Variants in TUSC3 observed in about 807,000 individuals in gnomAD.
The protein encoded by TUSC3 is dolichyl-diphosphooligosaccharide--protein glycosyltransferase subunit TUSC3.
A neutral mutation model predicts 44.8 loss-of-function variants in TUSC3; 45 were observed. That is an observed-to-expected ratio of 1.00 (90% CI 0.79 to 1.29). The LOEUF is 1.29. Among genes scored for constraint, TUSC3 ranks in the 50% most tolerant of loss-of-function variants. TUSC3 has a pLI of 0.00. For missense variants in TUSC3, 519 were observed against 437.9 expected (o/e 1.19, Z -1.65); for synonymous variants, 212 against 152.9 (o/e 1.39, Z -2.85).
chr8:15,589,642 T>C (rs567135192), intron 1 of TUSC3, among the ~76,000 whole-genome samples: 1 of 152,328 alleles, frequency 6.6e-6, no homozygotes, highest in Non-Finnish European at 1.5e-5. Context: ...ATAACCTATA[T>C]TAATTAGGTT....
At chr8:15,657,925 T>G (rs1807247134) in intron 3 of TUSC3, among the ~76,000 whole-genome samples, 1 of 152,164 alleles carries the variant, frequency 6.6e-6, no homozygotes, top group East Asian at 1.9e-4. Context: ...GCCAGGCACT[T>G]CTTGCTGCAT....
At chr8:15,770,879 A>C (rs113849119), downstream of TUSC3, among the ~76,000 whole-genome samples, 2 of 152,306 alleles carry the variant, frequency 1.3e-5, no homozygotes, top group African/African-American at 4.8e-5. Flanking sequence ...AACTTACCAA[A>C]TCTGAAAAAA....
At chr8:15,556,268 G>C (rs1802261006) in intron 1 of TUSC3, among the ~76,000 whole-genome samples, 1 of 143,308 alleles carries the variant, frequency 7.0e-6, no homozygotes, top group Non-Finnish European at 1.5e-5. Context: ...TTGGTTTTTT[G>C]TTCTTGAGAT....
chr8:15,504,208 T>C (rs912156854), intron 2 of TUSC3, among the ~76,000 whole-genome samples: 3 of 152,048 alleles, frequency 2.0e-5, no homozygotes, highest in East Asian at 3.9e-4. Context: ...TTCTGTCACT[T>C]GCCAGCTGAG....
At chr8:15,848,153 G>A in the TUSC3 span, among the ~76,000 whole-genome samples, 37 of 151,798 alleles carry the variant, frequency 2.4e-4, no homozygotes, top group East Asian at 1.4e-3. Flanking sequence ...AGCATATATC[G>A]TCTGTGGTCA....
intron 9 of TUSC3, among the ~76,000 whole-genome samples, chr8:15,753,755 T>C (rs1811806546): frequency 6.6e-6 from 1 of 152,024 alleles, no homozygotes; most frequent in Admixed American, 6.6e-5. Context: ...ACTAAAAGAC[T>C]GCAGAGATAT....
At chr8:15,785,224 T>A in the TUSC3 span, among the ~76,000 whole-genome samples, 1 of 152,000 alleles carries the variant, frequency 6.6e-6, no homozygotes, top group Non-Finnish European at 1.5e-5. Flanking sequence ...CTACTGAAAT[T>A]TTAAAAAGAA....
At chr8:15,574,400 C>T (rs1038209285) in intron 1 of TUSC3, among the ~76,000 whole-genome samples, 2 of 152,128 alleles carry the variant, frequency 1.3e-5, no homozygotes, top group African/African-American at 4.8e-5. Flanking sequence ...GGTCAACTTA[C>T]ATTCTTATTA....
the TUSC3 span, among the ~76,000 whole-genome samples, chr8:15,803,819 G>A: frequency 6.6e-6 from 1 of 152,108 alleles, no homozygotes; most frequent in Non-Finnish European, 1.5e-5. Flanking sequence ...CTGTCCCTGT[G>A]TTAATTTTAT....
intron 2 of TUSC3, among the ~76,000 whole-genome samples, chr8:15,531,422 T>G (rs1359665175): frequency 6.6e-6 from 1 of 152,152 alleles, no homozygotes; most frequent in Non-Finnish European, 1.5e-5. Flanking sequence ...TGGCTAATTT[T>G]TGTATTTTTA....
upstream of TUSC3, among the ~76,000 whole-genome samples, chr8:15,537,091 A>T (rs1026693673): frequency 6.6e-6 from 1 of 152,140 alleles, no homozygotes; most frequent in African/African-American, 2.4e-5. Context: ...TAATCAACTA[A>T]GAGCCAGGCA....
rs1200727081 is a variant in TUSC3 at position 15,508,457 on chromosome 8, CTTTTTTTT to C, written n.189+24990_189+24997del. On this transcript the variant is annotated intron_variant and non_coding_transcript_variant, in intron 2 of 5. Coordinates refer to the TUSC3 transcript ENST00000503191. ...GAGGTAGTTTAGGAATCGAAGCTTC[CTTTTTTTT>C]TTTTTTTTTTTTTTTGAGAAGGAGT... is the stretch of plus-strand genomic sequence containing the variant. 6.3e-5 allele frequency among the ~76,000 whole-genome samples: 5 copies of C among 79,584 alleles called. No homozygotes were observed. In the Admixed American group the frequency reaches 8.2e-4, roughly 13 times the overall value. The allele number at this position is 79,584 out of a possible 152,430, so 52.2% of individuals were successfully genotyped here. A position where few individuals can be genotyped will look rare whatever the true frequency, so the allele number is the denominator to read the frequency against.
intron 8 of TUSC3, among the ~76,000 whole-genome samples, chr8:15,746,025 C>A (rs1405720244): frequency 6.6e-6 from 1 of 152,084 alleles, no homozygotes; most frequent in Non-Finnish European, 1.5e-5. Context: ...AGAGTCCTCT[C>A]CCCATTGCTT....
In TUSC3 at chr8:15,540,365, C is replaced by T; in HGVS notation, c.-66C>T. On this transcript the variant is annotated 5_prime_UTR_variant, in exon 1 of 11. Coordinates refer to ENST00000503731, the MANE Select transcript of TUSC3 (RefSeq NM_006765.4). Reference sequence around the variant, plus strand: ...GGCTCCCGGAGGCTGGCCGGGCAGGCGTGGTGCGCGGTAGGAGCTGGGCGC... The same window carrying T: ...GGCTCCCGGAGGCTGGCCGGGCAGGTGTGGTGCGCGGTAGGAGCTGGGCGC... 1 of 1,448,030 alleles carries T rather than the reference C, an allele frequency of 6.9e-7. No individual in the cohort carries two copies. The highest frequency in any genetic ancestry group is 1.4e-5 in the South Asian group (1 of 71,736). 89.7% of individuals were successfully genotyped at this position (1,448,030 alleles called of 1,614,324 possible). A position where few individuals can be genotyped will look rare whatever the true frequency, so the allele number is the denominator to read the frequency against.
At chr8:15,748,556 G>A (rs1811524553) in intron 9 of TUSC3, 91 bp downstream of exon 9, 2 of 1,218,856 alleles carry the variant, frequency 1.6e-6, no homozygotes, top group African/African-American at 1.5e-5. Context: ...TGAATGTAAA[G>A]TTGCTGTGTG....
intron 2 of TUSC3, among the ~76,000 whole-genome samples, chr8:15,496,285 G>A (rs1007652145): frequency 1.3e-5 from 2 of 152,126 alleles, no homozygotes; most frequent in Non-Finnish European, 2.9e-5. Context: ...TCTGCCCTCT[G>A]CTAAAGCAAT....
At chr8:15,534,638 G>C (rs1208765904) in intron 2 of TUSC3, among the ~76,000 whole-genome samples, 1 of 99,718 alleles carries the variant, frequency 1.0e-5, no homozygotes, top group Admixed American at 1.2e-4. Context: ...GCGAGACTCG[G>C]TCTTTAAAAA....
rs896230362 is a variant in TUSC3, at chr8:15,431,358, G to C, written n.91+14053G>C. ...ATCTATTTGTGTCTTCAATTTATTTGATCATTGTTCTTTAGTTTTCATTGT... is the reference window on the plus strand; with the variant it reads ...ATCTATTTGTGTCTTCAATTTATTTCATCATTGTTCTTTAGTTTTCATTGT... On this transcript the variant is annotated intron_variant and non_coding_transcript_variant, in intron 1 of 5. Coordinates refer to the TUSC3 transcript ENST00000503191. 1.9e-4 allele frequency among the ~76,000 whole-genome samples: 29 copies of C among 151,514 alleles called. 2 individuals are homozygous for C. The highest frequency in any genetic ancestry group is 6.8e-4 in the African/African-American group (28 of 40,980).
chr8:15,741,922 A>G (rs955726823), intron 7 of TUSC3, among the ~76,000 whole-genome samples: 2 of 152,168 alleles, frequency 1.3e-5, no homozygotes, highest in Admixed American at 1.3e-4. Context: ...AATCTCCTAC[A>G]TATGAACAGT....
Sources: allele counts gnomAD v4.1 joint callset (sites outside exome capture counted in the v4.1 genomes callset), GRCh38; gene constraint gnomAD v4.1.1; transcripts MANE v1.5; gene names NCBI Gene and HGNC (gene_info 2026-07-23, HGNC 2026-07-21).